PGCKA1: variants seen among roughly 807,000 people sequenced by gnomAD.
The protein encoded by PGCKA1 is PDCD10 and GCKIII kinases associated 1.
At chr4:37,515,612 AC>A in the PGCKA1 span, among the ~76,000 whole-genome samples, 73 of 152,348 alleles carry the variant, frequency 4.8e-4, no homozygotes, top group African/African-American at 1.4e-3. Context: ...ATTGTAGTCT[AC>A]TGTTTTTTAT....
At chr4:37,543,997 C>T in the PGCKA1 span, among the ~76,000 whole-genome samples, 2 of 152,284 alleles carry the variant, frequency 1.3e-5, no homozygotes, top group Admixed American at 6.5e-5. Flanking sequence ...TTATCTATCC[C>T]TTGTCATTCC....
the PGCKA1 span, among the ~76,000 whole-genome samples, chr4:37,497,929 G>T: frequency 3.9e-5 from 6 of 152,000 alleles, no homozygotes; most frequent in Admixed American, 3.9e-4. Context: ...ATTAGCTTTT[G>T]GGTTTTTGGT....
chr4:37,590,793 G>A, the PGCKA1 span: 1 of 1,614,076 alleles, frequency 6.2e-7, no homozygotes, highest in Middle Eastern at 1.7e-4. Flanking sequence ...ATGAGGATGT[G>A]GAAACAGAAG....
chr4:37,566,201 A>G, the PGCKA1 span, among the ~76,000 whole-genome samples: 283 of 152,042 alleles, frequency 1.9e-3, 6 homozygotes, highest in East Asian at 0.046. Context: ...CACCTACTTC[A>G]TAACCTTGCC....
At chr4:37,493,436 A>T in the PGCKA1 span, among the ~76,000 whole-genome samples, 1 of 152,170 alleles carries the variant, frequency 6.6e-6, no homozygotes, top group Admixed American at 6.5e-5. Flanking sequence ...TACTCCACAA[A>T]CATTTATTGG....
chr4:37,508,909 T>C, the PGCKA1 span, among the ~76,000 whole-genome samples: 1 of 148,720 alleles, frequency 6.7e-6, no homozygotes, highest in African/African-American at 2.5e-5. Context: ...TTCAAGCATC[T>C]GTTTAACAAA....
At chr4:37,569,704 C>A in the PGCKA1 span, among the ~76,000 whole-genome samples, 282 of 152,238 alleles carry the variant, frequency 1.9e-3, no homozygotes, top group Non-Finnish European at 3.2e-3. Context: ...AGTTCTGTAG[C>A]CCAATAATGT....
the PGCKA1 span, among the ~76,000 whole-genome samples, chr4:37,573,156 C>CG: frequency 6.6e-6 from 1 of 152,086 alleles, no homozygotes; most frequent in African/African-American, 2.4e-5. Context: ...GAATTCTGTA[C>CG]GTGTTTGCAT....
At chr4:37,460,877 T>A in the PGCKA1 span, 3 of 399,724 alleles carry the variant, frequency 7.5e-6, no homozygotes, top group Admixed American at 6.8e-5. Context: ...TTGTTGCAAT[T>A]ATTTTTGACG....
chr4:37,508,808 T>C, the PGCKA1 span, among the ~76,000 whole-genome samples: 2 of 150,226 alleles, frequency 1.3e-5, no homozygotes. Flanking sequence ...CTGGTTTTCC[T>C]AGGCAGAGGA....
At chr4:37,472,933 G>T in the PGCKA1 span, among the ~76,000 whole-genome samples, 4 of 152,114 alleles carry the variant, frequency 2.6e-5, no homozygotes, top group African/African-American at 9.7e-5. Flanking sequence ...AGGATTAAAT[G>T]GTAACCATAT....
the PGCKA1 span, among the ~76,000 whole-genome samples, chr4:37,517,073 AACCCTGTCTCT>A: frequency 6.6e-6 from 1 of 151,950 alleles, no homozygotes; most frequent in Non-Finnish European, 1.5e-5. Context: ...AACATGAAGA[AACCCTGTCTCT>A]ACTAAAAATA....
At chr4:37,565,499 C>T in the PGCKA1 span, among the ~76,000 whole-genome samples, 2 of 152,126 alleles carry the variant, frequency 1.3e-5, no homozygotes, top group African/African-American at 4.8e-5. Flanking sequence ...CCCTTGACTC[C>T]ACAGACACCT....
At chr4:37,529,547 G>A in the PGCKA1 span, among the ~76,000 whole-genome samples, 4 of 152,308 alleles carry the variant, frequency 2.6e-5, no homozygotes, top group Non-Finnish European at 5.9e-5. Flanking sequence ...AAGAATAAAT[G>A]TATGTAAAAG....
the PGCKA1 span, among the ~76,000 whole-genome samples, chr4:37,532,889 T>G: frequency 6.3e-3 from 958 of 152,200 alleles, 7 homozygotes; most frequent in African/African-American, 0.022. Context: ...CATGCATTTT[T>G]GTAGTGTGTG....
At chr4:37,506,427 A>T in the PGCKA1 span, among the ~76,000 whole-genome samples, 1 of 151,992 alleles carries the variant, frequency 6.6e-6, no homozygotes, top group East Asian at 1.9e-4. Context: ...CTTTCCTCAA[A>T]GTATTGCTTT....
chr4:37,523,317 A>G, the PGCKA1 span, among the ~76,000 whole-genome samples: 1 of 152,086 alleles, frequency 6.6e-6, no homozygotes, highest in Non-Finnish European at 1.5e-5. Flanking sequence ...CCAGATGCCC[A>G]GAGATGCTCT....
chr4:37,470,817 C>T, the PGCKA1 span, among the ~76,000 whole-genome samples: 4 of 152,078 alleles, frequency 2.6e-5, no homozygotes, highest in Middle Eastern at 3.2e-3. Flanking sequence ...ATTTTGCTTA[C>T]CTAAGAAGTT....
chr4:37,509,523 T>C, the PGCKA1 span, among the ~76,000 whole-genome samples: 7 of 150,406 alleles, frequency 4.7e-5, no homozygotes, highest in African/African-American at 1.2e-4. Context: ...AGATGATGGG[T>C]GGCCAGGCAG....
Sources: gnomAD v4.1 joint callset for allele counts (sites outside exome capture counted in the v4.1 genomes callset) on GRCh38, gnomAD v4.1.1 for gene constraint, MANE v1.5 for transcripts, NCBI Gene and HGNC (gene_info 2026-07-23, HGNC 2026-07-21) for gene names.